The following YAP1 variants were observed in gnomAD, a reference collection of about 807,000 sequenced individuals.
The protein encoded by YAP1 is transcriptional coactivator YAP1.
In YAP1, 5 loss-of-function variants were observed where a neutral mutation model predicts 56.9. The ratio of observed to expected loss-of-function variants is 0.09; its 90% CI spans 0.05 to 0.18. The LOEUF (loss-of-function observed/expected upper bound fraction) is 0.18. Ranked by LOEUF, YAP1 falls within the 10% of genes least tolerant of loss-of-function variation. The pLI is 1.00. For synonymous variants in YAP1, 265 were observed against 248.1 expected, an observed-to-expected ratio of 1.07 and a Z score of -0.64; for missense variants, 539 against 651.8, an observed-to-expected ratio of 0.83 and a Z score of 1.88.
In YAP1 at chr11:102,230,878, C is replaced by G. The variant is rs1316735337; in HGVS notation, c.*938C>G. 1 of 152,104 alleles carries G rather than the reference C, an allele frequency of 6.6e-6. No homozygotes were observed. The highest frequency in any genetic ancestry group is 2.4e-5 in the African/African-American group (1 of 41,396). The allele number at this position is 152,104 out of a possible 1,614,324, so 9.4% of individuals were successfully genotyped here. On this transcript the variant is annotated 3_prime_UTR_variant, in exon 9 of 9. Transcript: ENST00000282441. Reference sequence around the variant, plus strand: ...TCTCTCTTTTATATACATACACACACCCAAACATAACATTTATAATAGTGT... The same window carrying G: ...TCTCTCTTTTATATACATACACACAGCCAAACATAACATTTATAATAGTGT...
chr11:102,131,597 A>G (rs1001341110), intron 2 of YAP1, among the ~76,000 whole-genome samples: 2 of 152,186 alleles, frequency 1.3e-5, no homozygotes, highest in African/African-American at 2.4e-5. Context: ...TTCAGAGTCC[A>G]TTGGTCGACA....
chr11:102,226,611 C>G (rs548456799), intron 7 of YAP1, among the ~76,000 whole-genome samples: 1 of 152,258 alleles, frequency 6.6e-6, no homozygotes, highest in African/African-American at 2.4e-5. Flanking sequence ...ATGCTACTAG[C>G]TTAGGAAAGT....
intron 4 of YAP1, among the ~76,000 whole-genome samples, chr11:102,189,381 A>T (rs1948158328): frequency 6.6e-6 from 1 of 152,204 alleles, no homozygotes; most frequent in East Asian, 1.9e-4. Context: ...TGATAAACTG[A>T]TCTTTAATGT....
intron 8 of YAP1, among the ~76,000 whole-genome samples, chr11:102,228,682 C>CA (rs1368698687): frequency 7.2e-6 from 1 of 139,406 alleles, no homozygotes; most frequent in Admixed American, 7.3e-5. Context: ...AGGGGTCTTG[C>CA]AGGAGCTAAG....
intron 3 of YAP1, among the ~76,000 whole-genome samples, chr11:102,183,994 G>A (rs915280696): frequency 1.3e-4 from 20 of 149,616 alleles, no homozygotes; most frequent in Non-Finnish European, 2.1e-4. Flanking sequence ...GGAGAATGGC[G>A]TGAACCCGGG....
chr11:102,204,777 A>G (rs535921429), intron 4 of YAP1, among the ~76,000 whole-genome samples: 42 of 152,284 alleles, frequency 2.8e-4, no homozygotes, highest in Non-Finnish European at 4.9e-4. Flanking sequence ...TTCTTTTAAT[A>G]TCCTTGTATG....
chr11:102,111,305 C>T (rs1398696594), intron 1 of YAP1, 136 bp downstream of exon 1: 2 of 937,626 alleles, frequency 2.1e-6, no homozygotes, highest in Non-Finnish European at 3.0e-6. Flanking sequence ...GGTCCCGAGG[C>T]GAAGTGGAAC....
At chr11:102,218,271 G>A (rs919370452) in intron 6 of YAP1, among the ~76,000 whole-genome samples, 1 of 152,156 alleles carries the variant, frequency 6.6e-6, no homozygotes, top group African/African-American at 2.4e-5. Context: ...ATTGGTTCCA[G>A]CAAGTCCCTT....
In YAP1 at chr11:102,113,442, T is replaced by G. The variant is rs148850985; in HGVS notation, c.322-702T>G. On this transcript the variant is annotated intron_variant, in intron 1 of 8. Coordinates refer to ENST00000282441, the MANE Select transcript of YAP1 (RefSeq NM_001130145.3). ...CTTTGGGGTCTGAATGCAGAATTTTTTCTGCTTGTATAGAGTTGTGGATGT... is the reference window on the plus strand; with the variant it reads ...CTTTGGGGTCTGAATGCAGAATTTTGTCTGCTTGTATAGAGTTGTGGATGT... 4.2e-3 allele frequency among the ~76,000 whole-genome samples: 636 copies of G among 152,326 alleles called. 1 individual carries two copies. Among genetic ancestry groups the G allele is most frequent in the South Asian group, 0.013 (64 of 4,828 alleles).
intron 5 of YAP1, among the ~76,000 whole-genome samples, chr11:102,207,406 A>T (rs1229023985): frequency 6.6e-6 from 1 of 151,806 alleles, no homozygotes; most frequent in Non-Finnish European, 1.5e-5. Context: ...AAATCGTCAT[A>T]CTCGGCCAGG....
At chr11:102,186,403 T>G in intron 4 of YAP1, 1 of 337,316 alleles carries the variant, frequency 3.0e-6, no homozygotes, top group Non-Finnish European at 5.4e-6. Flanking sequence ...TTTCACATTT[T>G]GGGAGAAACA....
chr11:102,222,852 A>G (rs536331085), intron 6 of YAP1, among the ~76,000 whole-genome samples: 233 of 138,142 alleles, frequency 1.7e-3, no homozygotes, highest in Non-Finnish European at 3.1e-3. Context: ...ATCAGATGCT[A>G]TTCTTCCTAC....
chr11:102,123,943 CTTTTTT>C (rs540805146), intron 2 of YAP1, among the ~76,000 whole-genome samples: 1 of 143,996 alleles, frequency 6.9e-6, no homozygotes, highest in Non-Finnish European at 1.5e-5. Flanking sequence ...TTTTCTTTTT[CTTTTTT>C]TTTTGTTTTT....
chr11:102,179,453 T>C (rs1443723028), intron 3 of YAP1, among the ~76,000 whole-genome samples: 1 of 152,178 alleles, frequency 6.6e-6, no homozygotes, highest in Non-Finnish European at 1.5e-5. Flanking sequence ...GTTGAAATAA[T>C]TAAAGTTTTT....
At chr11:102,217,792 C>T (rs556743852) in intron 6 of YAP1, among the ~76,000 whole-genome samples, 3 of 151,940 alleles carry the variant, frequency 2.0e-5, no homozygotes, top group Non-Finnish European at 4.4e-5. Flanking sequence ...CGGGTTCAAG[C>T]GATTCTCCTG....
intron 3 of YAP1, among the ~76,000 whole-genome samples, chr11:102,174,321 G>A (rs936060209): frequency 6.6e-5 from 10 of 151,986 alleles, no homozygotes; most frequent in Admixed American, 3.3e-4. Context: ...TTTACAGGCC[G>A]GGTGTGGTGG....
chr11:102,123,442 A>C (rs1334325696), intron 2 of YAP1, among the ~76,000 whole-genome samples: 1 of 151,474 alleles, frequency 6.6e-6, no homozygotes, highest in Non-Finnish European at 1.5e-5. Flanking sequence ...CTCTTTCTTT[A>C]TTTGCTCACT....
At chr11:102,184,572 T>G (rs1409672178) in intron 3 of YAP1, among the ~76,000 whole-genome samples, 1 of 152,162 alleles carries the variant, frequency 6.6e-6, no homozygotes, top group Non-Finnish European at 1.5e-5. Context: ...CCCATCAAAG[T>G]AGACCTTTGA....
chr11:102,187,410 A>G (rs1416944966), intron 4 of YAP1, among the ~76,000 whole-genome samples: 1 of 152,178 alleles, frequency 6.6e-6, no homozygotes, highest in African/African-American at 2.4e-5. Flanking sequence ...GCAACTTCAG[A>G]TTCTGTTTAC....
Sources: gnomAD v4.1 joint callset for allele counts (sites outside exome capture counted in the v4.1 genomes callset) on GRCh38, gnomAD v4.1.1 for gene constraint, MANE v1.5 for transcripts, NCBI Gene and HGNC (gene_info 2026-07-23, HGNC 2026-07-21) for gene names.